Variants in OPN4 observed in about 807,000 individuals in gnomAD.
The protein encoded by OPN4 is melanopsin.
Under a neutral mutation model 49.5 loss-of-function variants are expected in OPN4, and 43 were observed. That is an observed-to-expected ratio of 0.87 (90% CI 0.68 to 1.12). The LOEUF (loss-of-function observed/expected upper bound fraction) is 1.12, where lower values mean the gene tolerates loss of function less well. Ranked by LOEUF, OPN4 falls within the 50% of genes most tolerant of loss-of-function variation. The pLI, the probability that OPN4 is intolerant of heterozygous loss-of-function variation, is 0.00. For synonymous variants in OPN4, 263 were observed against 258.0 expected (o/e 1.02, Z -0.19); for missense variants, 657 against 643.9 (o/e 1.02, Z -0.22).
At position 86,662,358 on chromosome 10, in the gene OPN4, A is replaced by T. The variant is rs762200749; in HGVS notation, c.1180A>T (p.Thr394Ser). The stretch of plus-strand genomic sequence containing the variant: ...CCGCTCCACCCACCGCTCCACGCTG[A>T]CCAGCCACACCTCCAACCTCAGCTG... ...SYRSTHRSTLTSHTSNLSWIS... is the reference protein window; with the variant it reads ...SYRSTHRSTLSSHTSNLSWIS... The change falls in exon 8 of 10, where the codon ACC becomes TCC. Residue 394 changes from threonine to serine, a missense_variant. By Grantham distance (58) the Thr-to-Ser change is moderately conservative. Coordinates refer to ENST00000241891, the MANE Select transcript of OPN4 (RefSeq NM_033282.4). 1.9e-6 allele frequency: 3 copies of T among 1,588,838 alleles called. No individual in the cohort carries two copies. Among genetic ancestry groups the T allele is most frequent in the Non-Finnish European group, 2.6e-6 (3 of 1,169,052 alleles).
rs937579955 is a variant in OPN4 at position 86,666,081 on chromosome 10, G to A, written c.*330G>A. ...CAATTGTCCAGGCGATGACAATGGT[G>A]ATGGCTCCAGAGAACACACCAGCTA... is the stretch of plus-strand genomic sequence containing the variant. On this transcript the variant is annotated 3_prime_UTR_variant, in exon 10 of 10. Coordinates refer to ENST00000241891, the MANE Select transcript of OPN4 (RefSeq NM_033282.4). 8 of 361,630 alleles carry A rather than the reference G, an allele frequency of 2.2e-5. No homozygotes were observed. The highest frequency in any genetic ancestry group is 1.3e-4 in the African/African-American group (6 of 47,842). The allele number at this position is 361,630 out of a possible 1,614,324, so 22.4% of individuals were successfully genotyped here.
intron 1 of OPN4, 79 bp downstream of exon 1, chr10:86,655,006 T>C: frequency 7.0e-7 from 1 of 1,434,476 alleles, no homozygotes; most frequent in Non-Finnish European, 9.6e-7. Context: ...ACACAGGGGC[T>C]TTGACAGGGA....
intron 9 of OPN4, 29 bp downstream of exon 9, chr10:86,663,831 C>T (rs1441136404): frequency 7.8e-6 from 12 of 1,547,620 alleles, no homozygotes; most frequent in Non-Finnish European, 1.0e-5. Flanking sequence ...TGCCAATCCA[C>T]AAAGGGGTGG....
intron 2 of OPN4, among the ~76,000 whole-genome samples, chr10:86,656,603 C>T (rs1188161685): frequency 7.2e-5 from 11 of 152,090 alleles, no homozygotes; most frequent in Non-Finnish European, 1.0e-4. Flanking sequence ...CTGCTCTCAG[C>T]GCACCTCTCC....
In OPN4 at chr10:86,662,451, C is replaced by T. The variant is rs779278161; in HGVS notation, c.1254+19C>T. On this transcript the variant is annotated intron_variant, in intron 8 of 9. Coordinates refer to ENST00000241891, the MANE Select transcript of OPN4 (RefSeq NM_033282.4). ...TGAGGTGGTAAGGATGCTGGGCCCT[C>T]ACCAGCTTGCGCCTGGCCATCCCTT... 9 of 1,538,650 alleles carry T rather than the reference C, an allele frequency of 5.8e-6. No homozygotes were observed. Among genetic ancestry groups the T allele is most frequent in the Non-Finnish European group, 7.9e-6 (9 of 1,145,308 alleles).
rs555431888 is a variant in OPN4, at chr10:86,665,619, C to T, written c.1399-94C>T. 7 of 1,034,882 alleles carry T rather than the reference C, an allele frequency of 6.8e-6. No individual in the cohort carries two copies. The Admixed American group carries it at 1.3e-4, about 19-fold the overall frequency. The allele number at this position is 1,034,882 out of a possible 1,614,324, so 64.1% of individuals were successfully genotyped here. A position where few individuals can be genotyped will look rare whatever the true frequency, so the allele number is the denominator to read the frequency against. On this transcript the variant is annotated intron_variant, in intron 9 of 9. Transcript: ENST00000241891. ...CCTGGCCCTTCCATGCAACCTCCCC[C>T]ACTGCTCGGTGACCCAGTGTGTGGA...
chr10:86,664,435 C>T (rs1315543135), intron 9 of OPN4, among the ~76,000 whole-genome samples: 1 of 152,160 alleles, frequency 6.6e-6, no homozygotes, highest in African/African-American at 2.4e-5. Context: ...GCTGTCGGCC[C>T]AAGTGCCTAT....
intron 8 of OPN4, 143 bp downstream of exon 8, chr10:86,662,575 GC>G: frequency 1.3e-6 from 1 of 774,668 alleles, no homozygotes; most frequent in Non-Finnish European, 2.0e-6. Context: ...GGCAGGAAGA[GC>G]CCCTCCCAAC....
At position 86,665,828 on chromosome 10, in the gene OPN4, T is replaced by A. The variant is rs1844158785; in HGVS notation, c.*77T>A. On this transcript the variant is annotated 3_prime_UTR_variant, in exon 10 of 10. Coordinates refer to ENST00000241891, the MANE Select transcript of OPN4 (RefSeq NM_033282.4). ...CTCCCTCATATACACAGACCCAGGA[T>A]TATGCTGTGAGCCTGCAGGCTTTGG... is the stretch of plus-strand genomic sequence containing the variant. 8.4e-7 allele frequency: 1 copy of A among 1,183,664 alleles called. No individual in the cohort carries two copies. The highest frequency in any genetic ancestry group is 1.2e-6 in the Non-Finnish European group (1 of 802,316). 73.3% of individuals were successfully genotyped at this position (1,183,664 alleles called of 1,614,324 possible).
Position 86,661,227 on chromosome 10 carries a change from G to T in OPN4, c.966-54G>T. The T allele has an allele frequency of 2.8e-6, 4 of 1,421,960 alleles. 1 individual carries two copies. The highest frequency in any genetic ancestry group is 2.3e-5 in the South Asian group (2 of 87,078). 88.1% of individuals were successfully genotyped at this position (1,421,960 alleles called of 1,614,324 possible). ...CTTTGGCAGGGCCTGGCCCAGAAGA[G>T]AAGGTGTGTCAGGAGGGCCAGCTAG... is the stretch of plus-strand genomic sequence containing the variant. On this transcript the variant is annotated intron_variant, in intron 6 of 9. Coordinates refer to ENST00000241891, the MANE Select transcript of OPN4 (RefSeq NM_033282.4).
In OPN4 at chr10:86,658,604, C is replaced by T. The variant is rs139556219; in HGVS notation, c.545C>T (p.Ala182Val). The change falls in exon 4 of 10, where the codon GCG (alanine) becomes GTG (valine). Residue 182 changes from alanine (A) to valine (V), a missense_variant. Physicochemically the swap from Ala to Val is moderately conservative, Grantham distance 64. Transcript: ENST00000241891. Reference protein sequence around the residue: ...ITRPLATFGVASKRRAAFVLL... With the variant: ...ITRPLATFGVVSKRRAAFVLL... Reference sequence around the variant, plus strand: ...CGCCCGCTGGCCACCTTTGGTGTGGCGTCCAAGAGGCGTGCGGCATTTGTC... The same window carrying T: ...CGCCCGCTGGCCACCTTTGGTGTGGTGTCCAAGAGGCGTGCGGCATTTGTC... The T allele has an allele frequency of 1.8e-4, 293 of 1,614,060 alleles. No individual in the cohort carries two copies. The highest frequency in any genetic ancestry group is 2.4e-4 in the Non-Finnish European group (278 of 1,180,048).
chr10:86,655,466 G>A lies in OPN4; in HGVS notation c.144+539G>A, dbSNP rs112559847. On this transcript the variant is annotated intron_variant, in intron 1 of 9. Transcript: ENST00000241891. ...CTCCGGTAGCTATAGGGGCCACTGC[G>A]GCAGGACAGAGACCAAGCCACCCTC... 2.2e-4 allele frequency among the ~76,000 whole-genome samples: 33 copies of A among 152,308 alleles called. 1 individual carries two copies. Among genetic ancestry groups the A allele is most frequent in the African/African-American group, 6.5e-4 (27 of 41,558 alleles).
In OPN4 at chr10:86,659,914, G is replaced by A; in HGVS notation, c.820G>A (p.Ala274Thr). ...TCCTAGGGCTCTCCAGACCTTCGGG[G>A]CCTGCAAGGGCAATGGCGAGTCCCT... The part of the protein sequence containing the change: ...ETGRALQTFG[A>T]CKGNGESLWQ... The change falls in exon 6 of 10, where the codon GCC (alanine) becomes ACC (threonine). Residue 274 changes from alanine to threonine, a missense_variant. Coordinates refer to ENST00000241891, the MANE Select transcript of OPN4 (RefSeq NM_033282.4). The A allele has an allele frequency of 1.9e-6, 3 of 1,614,194 alleles. No individual in the cohort carries two copies. The highest frequency in any genetic ancestry group is 2.5e-6 in the Non-Finnish European group (3 of 1,180,034).
chr10:86,659,334 C>T lies in OPN4; in HGVS notation c.666C>T (p.Ser222=), dbSNP rs7911340. ...CCGAGGGGTTGCTGACATCCTGCTC[C>T]TGGGACTACATGAGCTTCACGCCGG... The part of the protein sequence containing the change: ...YVPEGLLTSC[S]WDYMSFTPAV... The change falls in exon 5 of 10, where the codon TCC becomes TCT. Residue 222 remains serine (S), a synonymous_variant. Transcript: ENST00000241891. 0.013 allele frequency: 20,698 copies of T among 1,613,704 alleles called. 2,241 individuals carry two copies. The African/African-American group carries it at 0.24, about 19-fold the overall frequency.
intron 9 of OPN4, among the ~76,000 whole-genome samples, chr10:86,664,750 G>A (rs1338194182): frequency 1.3e-5 from 2 of 152,120 alleles, no homozygotes; most frequent in Non-Finnish European, 2.9e-5. Flanking sequence ...CATTCCCCCC[G>A]GGGGCCCCGC....
intron 8 of OPN4, among the ~76,000 whole-genome samples, chr10:86,662,895 T>A (rs556768471): frequency 1.3e-5 from 2 of 152,250 alleles, no homozygotes; most frequent in Non-Finnish European, 1.5e-5. Context: ...AGATGGGAGA[T>A]GTGGCTTTGA....
chr10:86,659,829 C>T, intron 5 of OPN4, 66 bp from the exon 6 acceptor site: 1 of 1,534,710 alleles, frequency 6.5e-7, no homozygotes, highest in East Asian at 2.3e-5. Flanking sequence ...TCCCCAACAG[C>T]AGCCGTGACC....
At position 86,662,274 on chromosome 10, in the gene OPN4, C is replaced by A; in HGVS notation, c.1096C>A (p.Pro366Thr). The A allele has an allele frequency of 6.2e-7, 1 of 1,609,886 alleles. No homozygotes were observed. Among genetic ancestry groups the A allele is most frequent in the Non-Finnish European group, 8.5e-7 (1 of 1,179,514 alleles). Residue 366 changes from proline to threonine, a missense_variant, in exon 8 of 10, where the codon CCC (proline) becomes ACC (threonine). Physicochemically the swap from Pro to Thr is conservative, Grantham distance 38. Transcript: ENST00000241891. ...CAGGGTGGCCATTGCCCAGCACCTG[C>A]CCTGCCTGGGGGTGCTGCTGGGTGT... The part of the protein sequence containing the change: ...KYRVAIAQHL[P>T]CLGVLLGVSR...
chr10:86,663,124 A>G (rs985675120), intron 8 of OPN4, among the ~76,000 whole-genome samples: 3 of 152,210 alleles, frequency 2.0e-5, no homozygotes, highest in Non-Finnish European at 4.4e-5. Flanking sequence ...AGATGTCCCC[A>G]GGAAAGCTCC....
Sources: gnomAD v4.1 joint callset for allele counts (sites outside exome capture counted in the v4.1 genomes callset) on GRCh38, gnomAD v4.1.1 for gene constraint, MANE v1.5 for transcripts, NCBI Gene and HGNC (gene_info 2026-07-23, HGNC 2026-07-21) for gene names.